WWP2: variants seen among roughly 807,000 people sequenced by gnomAD.
WWP2 encodes WW domain containing E3 ubiquitin protein ligase 2, also known as NEDD4-like E3 ubiquitin-protein ligase WWP2.
In WWP2, 57 loss-of-function variants were observed where a neutral mutation model predicts 121.0. The observed-to-expected ratio is 0.47, with a 90% CI of 0.38 to 0.59. WWP2 has a LOEUF of 0.59. Ranked by LOEUF, WWP2 falls within the 20% of genes least tolerant of loss-of-function variation. WWP2 has a pLI of 0.00. For missense variants in WWP2, 962 were observed against 1,158.9 expected, an observed-to-expected ratio of 0.83 and a Z score of 2.47; for synonymous variants, 449 against 441.3, an observed-to-expected ratio of 1.02 and a Z score of -0.22.
chr16:69,830,169 G>A (rs1279288755), intron 4 of WWP2, among the ~76,000 whole-genome samples: 1 of 152,030 alleles, frequency 6.6e-6, no homozygotes, highest in East Asian at 1.9e-4. Context: ...TGCCTAGGTG[G>A]GTCTTGAACT....
At chr16:69,852,010 A>G (rs561176831) in intron 6 of WWP2, among the ~76,000 whole-genome samples, 5 of 151,790 alleles carry the variant, frequency 3.3e-5, no homozygotes, top group Non-Finnish European at 5.9e-5. Flanking sequence ...AAACAAAACA[A>G]AGTTTTTAAC....
At chr16:69,888,389 G>A (rs1379599542) in intron 8 of WWP2, 140 bp downstream of exon 8, 6 of 882,498 alleles carry the variant, frequency 6.8e-6, no homozygotes, top group Admixed American at 3.0e-5. Flanking sequence ...AGCAAGGGAG[G>A]TGTGGAAGAA....
intron 1 of WWP2, among the ~76,000 whole-genome samples, chr16:69,780,189 C>T (rs907898881): frequency 9.9e-5 from 15 of 151,178 alleles, no homozygotes; most frequent in East Asian, 1.9e-4. Context: ...ACAACAACAA[C>T]GTATACAGTT....
rs1177255103 is a variant in WWP2, at chr16:69,937,607, C to T, written c.2298C>T (p.Tyr766=). The change falls in exon 21 of 24, where the codon TAC becomes TAT. Residue 766 remains tyrosine, a synonymous_variant. Coordinates refer to ENST00000359154, the MANE Select transcript of WWP2 (RefSeq NM_001270454.2). The surrounding 1 kb of genome is among the most constrained non-coding windows in gnomAD (Gnocchi z 6.6). ...DMSDWQKSTI[Y]RHYTKNSKQI... is the part of the protein sequence containing the mutation. ...GCGACTGGCAGAAGAGCACCATCTA[C>T]CGGCACTACACCAAGAACAGCAAGC... 1.9e-6 allele frequency: 3 copies of T among 1,613,882 alleles called. No homozygotes were observed. Among genetic ancestry groups the T allele is most frequent in the Non-Finnish European group, 8.5e-7 (1 of 1,180,018 alleles).
chr16:69,937,489 C>T lies in WWP2; in HGVS notation c.2239-59C>T, dbSNP rs1331851559. ...TGTTTGGGGTAATGTCAAGTGCTAGCGAGTGGACGATGCGCGGGGAGGGAC... is the reference window on the plus strand; with the variant it reads ...TGTTTGGGGTAATGTCAAGTGCTAGTGAGTGGACGATGCGCGGGGAGGGAC... On this transcript the variant is annotated intron_variant, in intron 20 of 23. Transcript: ENST00000359154. The surrounding 1 kb of genome is among the most constrained non-coding windows in gnomAD (Gnocchi z 6.6). 1.9e-6 allele frequency: 3 copies of T among 1,561,634 alleles called. No homozygotes were observed. Among genetic ancestry groups the T allele is most frequent in the Admixed American group, 1.7e-5 (1 of 59,560 alleles).
intron 6 of WWP2, among the ~76,000 whole-genome samples, chr16:69,857,953 G>T (rs923508370): frequency 5.9e-5 from 9 of 152,138 alleles, no homozygotes; most frequent in Admixed American, 3.9e-4. Flanking sequence ...CGGCCTAACA[G>T]TACAACTCTA....
intron 11 of WWP2, among the ~76,000 whole-genome samples, chr16:69,928,924 C>T (rs370746957): frequency 6.6e-6 from 1 of 152,086 alleles, no homozygotes; most frequent in Non-Finnish European, 1.5e-5. Context: ...GGTACAGGGG[C>T]GCAGGGTGCA....
chr16:69,887,995 C>A (rs375142398), intron 7 of WWP2, 44 bp from the exon 8 acceptor site: 18 of 1,600,296 alleles, frequency 1.1e-5, no homozygotes, highest in African/African-American at 2.7e-5. Flanking sequence ...AAATAAAATT[C>A]TCATTCTTAG....
chr16:69,936,532 C>T (rs2058801363), intron 19 of WWP2, 80 bp downstream of exon 19: 4 of 1,576,734 alleles, frequency 2.5e-6, no homozygotes. Context: ...GGGCCCCCAC[C>T]TGTGGCCCAT....
Position 69,832,768 on chromosome 16 carries a change from CCTGA to C in WWP2, c.341-7357_341-7354del, listed in dbSNP as rs539896223. ...CATGTTGGCCAGGCTGGCTTGAACT[CCTGA>C]ACTCAAGTGATCTGCCTGCCTTGGC... On this transcript the variant is annotated intron_variant, in intron 4 of 23. Transcript: ENST00000359154. Among the ~76,000 whole-genome samples the C allele has an allele frequency of 5.4e-3, 816 of 152,326 alleles. 6 individuals carry two copies. The highest frequency in any genetic ancestry group is 0.019 in the African/African-American group (771 of 41,576).
At chr16:69,764,300 G>A (rs577083290) in intron 1 of WWP2, among the ~76,000 whole-genome samples, 5 of 152,074 alleles carry the variant, frequency 3.3e-5, no homozygotes, top group Non-Finnish European at 7.4e-5. Flanking sequence ...GCCTGGGCTC[G>A]GGTGATCCTC....
At chr16:69,782,662 C>CT (rs1567661541) in intron 1 of WWP2, among the ~76,000 whole-genome samples, 1 of 152,122 alleles carries the variant, frequency 6.6e-6, no homozygotes. Context: ...ATGCTTATTA[C>CT]AGACTAGTCT....
At chr16:69,817,473 C>G (rs2056515972) in intron 4 of WWP2, among the ~76,000 whole-genome samples, 1 of 152,116 alleles carries the variant, frequency 6.6e-6, no homozygotes, top group Admixed American at 6.6e-5. Context: ...TGGTCTCGAA[C>G]TCCTGACATC....
chr16:69,925,180 G>C lies in WWP2; in HGVS notation c.1180-250G>C, dbSNP rs371090870. The C allele has an allele frequency of 8.5e-6, 11 of 1,301,192 alleles. No homozygotes were observed. In the South Asian group the frequency reaches 1.8e-4, roughly 21 times the overall value. The allele number at this position is 1,301,192 out of a possible 1,614,324, so 80.6% of individuals were successfully genotyped here. On this transcript the variant is annotated intron_variant, in intron 10 of 23. Coordinates refer to ENST00000359154, the MANE Select transcript of WWP2 (RefSeq NM_001270454.2). The surrounding 1 kb of genome is among the most constrained non-coding windows in gnomAD (Gnocchi z 4.0). ...ACCCGCGTACCGCCTCCTCCCCGTC[G>C]CTCTGCCTTTTCCAAAACTCACTTG... is the stretch of plus-strand genomic sequence containing the variant.
intron 1 of WWP2, among the ~76,000 whole-genome samples, chr16:69,775,991 C>T (rs1465574993): frequency 6.6e-6 from 1 of 152,152 alleles, no homozygotes; most frequent in Non-Finnish European, 1.5e-5. Flanking sequence ...TTGGTTTTCC[C>T]TAAAAACTCC....
chr16:69,798,923 A>G, intron 3 of WWP2, 94 bp downstream of exon 3: 2 of 1,527,266 alleles, frequency 1.3e-6, no homozygotes, highest in Non-Finnish European at 1.8e-6. Flanking sequence ...TCCCTGTGGC[A>G]CCTCCGACTT....
intron 4 of WWP2, among the ~76,000 whole-genome samples, chr16:69,829,158 T>C (rs1470465239): frequency 6.6e-6 from 1 of 152,192 alleles, no homozygotes; most frequent in African/African-American, 2.4e-5. Flanking sequence ...TTTTTACTTT[T>C]GCAAGTCTGC....
chr16:69,891,003 C>T (rs979798145), intron 8 of WWP2: 5 of 152,162 alleles, frequency 3.3e-5, no homozygotes, highest in Non-Finnish European at 7.3e-5. Context: ...GTCGGAGACC[C>T]AATTTTCCAA....
At position 69,871,947 on chromosome 16, in the gene WWP2, G is replaced by A. The variant is rs748219599; in HGVS notation, c.703+16G>A. Reference sequence around the variant, plus strand: ...AATGGCACAGGTGAGTGATGGCACCGCACGCCAGCCTGCACTGAAGCTGTG... The same window carrying A: ...AATGGCACAGGTGAGTGATGGCACCACACGCCAGCCTGCACTGAAGCTGTG... On this transcript the variant is annotated intron_variant, in intron 7 of 23. Transcript: ENST00000359154. The A allele has an allele frequency of 8.7e-6, 14 of 1,608,384 alleles. No individual in the cohort carries two copies. Among genetic ancestry groups the A allele is most frequent in the East Asian group, 6.7e-5 (3 of 44,704 alleles).
Sources: allele counts gnomAD v4.1 joint callset (sites outside exome capture counted in the v4.1 genomes callset), GRCh38; gene constraint gnomAD v4.1.1; non-coding constraint Gnocchi (gnomAD v3.1); transcripts MANE v1.5; gene names NCBI Gene and HGNC (gene_info 2026-07-23, HGNC 2026-07-21).